Variants in RAPGEF2 observed in about 807,000 individuals in gnomAD.
RAPGEF2 encodes the protein Rap guanine nucleotide exchange factor 2.
RAPGEF2 carries 54 observed loss-of-function variants against 186.7 expected under a neutral mutation model. The observed-to-expected ratio is 0.29, with a 90% CI of 0.23 to 0.36. RAPGEF2 has a LOEUF of 0.36. Ranked by LOEUF, RAPGEF2 falls within the 10% of genes least tolerant of loss-of-function variation. RAPGEF2 has a pLI of 1.00. For missense variants in RAPGEF2, 1,532 were observed against 2,045.0 expected, an observed-to-expected ratio of 0.75 and a Z score of 4.84; for synonymous variants, 712 against 705.9, an observed-to-expected ratio of 1.01 and a Z score of -0.14.
chr4:159,308,699 G>T (rs564126387), intron 8 of RAPGEF2, among the ~76,000 whole-genome samples: 1 of 152,314 alleles, frequency 6.6e-6, no homozygotes, highest in East Asian at 1.9e-4. Flanking sequence ...TGCTGAGATG[G>T]TGGGAAGAGA....
chr4:159,266,043 C>G (rs1361249798), intron 7 of RAPGEF2, among the ~76,000 whole-genome samples: 2 of 152,048 alleles, frequency 1.3e-5, no homozygotes, highest in African/African-American at 4.8e-5. Context: ...AGGAAAATAC[C>G]TGGTCTGGAG....
intron 29 of RAPGEF2, 71 bp from the exon 30 acceptor site, chr4:159,358,043 T>C (rs1732298274): frequency 6.9e-7 from 1 of 1,455,058 alleles, no homozygotes; most frequent in Non-Finnish European, 9.5e-7. Context: ...CATCAGTGAA[T>C]ATATTCTCTA....
At position 159,143,519 on chromosome 4, in the gene RAPGEF2, A is replaced by G. The variant is rs190606158; in HGVS notation, c.69+39288A>G. 4.6e-5 allele frequency among the ~76,000 whole-genome samples: 7 copies of G among 152,340 alleles called. No individual in the cohort carries two copies. In the East Asian group the frequency reaches 1.4e-3, roughly 29 times the overall value. ...TCACAGCAAATATTCCACCGGGCCC[A>G]TAACTGGTCAATTAATAAAAGGAGG... is the stretch of plus-strand genomic sequence containing the variant. On this transcript the variant is annotated intron_variant, in intron 1 of 29. Transcript: ENST00000691494.
intron 4 of RAPGEF2, among the ~76,000 whole-genome samples, chr4:159,232,690 T>G (rs1048369942): frequency 1.3e-5 from 2 of 152,206 alleles, no homozygotes; most frequent in Admixed American, 1.3e-4. Context: ...ATGTTTAGAT[T>G]TTTGAGAAAT....
At chr4:159,259,707 GT>G (rs1246082074) in intron 7 of RAPGEF2, among the ~76,000 whole-genome samples, 5 of 151,996 alleles carry the variant, frequency 3.3e-5, no homozygotes, top group Admixed American at 2.0e-4. Flanking sequence ...ATTATTCATA[GT>G]TTTTAGAGGT....
intron 2 of RAPGEF2, among the ~76,000 whole-genome samples, chr4:159,189,778 A>G (rs1192131828): frequency 5.9e-5 from 9 of 151,476 alleles, no homozygotes; most frequent in Non-Finnish European, 1.3e-4. Context: ...ATTTTCATAT[A>G]AGAGATTTTA....
intron 7 of RAPGEF2, among the ~76,000 whole-genome samples, chr4:159,252,630 AAG>A (rs1166531320): frequency 1.3e-5 from 2 of 152,176 alleles, no homozygotes; most frequent in Non-Finnish European, 2.9e-5. Context: ...GTTAGACTGA[AAG>A]AGCAGCCAGC....
chr4:159,177,563 C>T (rs2111264990), intron 1 of RAPGEF2, among the ~76,000 whole-genome samples: 1 of 152,290 alleles, frequency 6.6e-6, no homozygotes, highest in East Asian at 1.9e-4. Flanking sequence ...GACTCCAAAG[C>T]TTGTATTCCT....
intron 7 of RAPGEF2, among the ~76,000 whole-genome samples, chr4:159,286,373 A>G (rs1347756596): frequency 6.6e-6 from 1 of 152,068 alleles, no homozygotes; most frequent in African/African-American, 2.4e-5. Context: ...TACTGTTCCA[A>G]ATACCTAATA....
At chr4:159,106,073 C>G (rs1295629220) in intron 1 of RAPGEF2, among the ~76,000 whole-genome samples, 1 of 152,252 alleles carries the variant, frequency 6.6e-6, no homozygotes, top group East Asian at 1.9e-4. Flanking sequence ...TCCTGTTCCC[C>G]TGCCAGTTGT....
At chr4:159,196,977 C>T (rs1452811281) in intron 3 of RAPGEF2, among the ~76,000 whole-genome samples, 1 of 152,166 alleles carries the variant, frequency 6.6e-6, no homozygotes, top group Non-Finnish European at 1.5e-5. Context: ...AGAAAATTAG[C>T]TCAACTTTAC....
At position 159,330,047 on chromosome 4, in the gene RAPGEF2, T is replaced by A. The variant is rs1380595454; in HGVS notation, c.1302+37T>A. The stretch of plus-strand genomic sequence containing the variant: ...GACCACTCCTTCCCAAGGAAAGGAA[T>A]TTTTTTTGGTAGTATTGGTTGTGGC... On this transcript the variant is annotated intron_variant, in intron 12 of 29. Transcript: ENST00000691494. The A allele has an allele frequency of 2.6e-6, 4 of 1,549,558 alleles. No homozygotes were observed. The South Asian group carries it at 4.9e-5, about 19-fold the overall frequency.
chr4:159,155,853 C>A (rs1744058907), intron 1 of RAPGEF2, among the ~76,000 whole-genome samples: 2 of 151,672 alleles, frequency 1.3e-5, no homozygotes, highest in South Asian at 4.2e-4. Flanking sequence ...TTACATCTCA[C>A]AAATTTTGAT....
intron 7 of RAPGEF2, among the ~76,000 whole-genome samples, chr4:159,297,052 C>T (rs909436737): frequency 6.6e-6 from 1 of 152,118 alleles, no homozygotes; most frequent in Non-Finnish European, 1.5e-5. Flanking sequence ...TCCTTTCTGC[C>T]TTGGGAGAGG....
intron 16 of RAPGEF2, 54 bp from the exon 17 acceptor site, chr4:159,332,396 GT>G: frequency 6.5e-7 from 1 of 1,548,522 alleles, no homozygotes; most frequent in Non-Finnish European, 8.8e-7. Flanking sequence ...CCTTAGAATT[GT>G]TCAGATATCT....
rs13435009 is a variant in RAPGEF2, at chr4:159,218,615, G to A, written c.281+8032G>A. 2.2e-3 allele frequency among the ~76,000 whole-genome samples: 339 copies of A among 152,080 alleles called. 1 individual carries two copies. Among genetic ancestry groups the A allele is most frequent in the African/African-American group, 7.4e-3 (309 of 41,482 alleles). ...TACTAAAAACACAAAAAAATTAGTC[G>A]GGCTTGGTGGCACAAGCCTGTAGTC... is the stretch of plus-strand genomic sequence containing the variant. On this transcript the variant is annotated intron_variant, in intron 4 of 29. Coordinates refer to ENST00000691494, the MANE Select transcript of RAPGEF2 (RefSeq NM_001394067.2).
chr4:159,312,051 CAGTTGAA>C (rs1455205554), intron 8 of RAPGEF2, among the ~76,000 whole-genome samples: 1 of 152,010 alleles, frequency 6.6e-6, no homozygotes, highest in Non-Finnish European at 1.5e-5. Context: ...ATCCAGTTGA[CAGTTGAA>C]AGTCTTTATG....
In RAPGEF2 at chr4:159,182,406, T is replaced by A. The variant is rs910341641; in HGVS notation, c.70-4236T>A. Among the ~76,000 whole-genome samples, 51 of 143,148 alleles carry A rather than the reference T, an allele frequency of 3.6e-4. 1 individual carries two copies. The highest frequency in any genetic ancestry group is 1.3e-3 in the African/African-American group (49 of 38,884). The allele number at this position is 143,148 out of a possible 152,430, so 93.9% of individuals were successfully genotyped here. A position where few individuals can be genotyped will look rare whatever the true frequency, so the allele number is the denominator to read the frequency against. On this transcript the variant is annotated intron_variant, in intron 1 of 29. Transcript: ENST00000691494. ...TTCTTCTTTTTTTTTTTTTTTTTTTTTTTTTTTGATACAGAGTCTCACTCT... is the reference window on the plus strand; with the variant it reads ...TTCTTCTTTTTTTTTTTTTTTTTTTATTTTTTTGATACAGAGTCTCACTCT...
At chr4:159,355,426 G>A (rs1580079681) in intron 28 of RAPGEF2, among the ~76,000 whole-genome samples, 5 of 152,284 alleles carry the variant, frequency 3.3e-5, no homozygotes, top group Non-Finnish European at 7.4e-5. Context: ...GGCAGATCCG[G>A]CAGGCAGAGA....
Sources: allele counts gnomAD v4.1 joint callset (sites outside exome capture counted in the v4.1 genomes callset), GRCh38; gene constraint gnomAD v4.1.1; transcripts MANE v1.5; gene names NCBI Gene and HGNC (gene_info 2026-07-23, HGNC 2026-07-21).